The following CNOT1 variants were observed in gnomAD, a reference collection of about 807,000 sequenced individuals.
The protein encoded by CNOT1 is CCR4-associated factor 1.
In CNOT1, 15 loss-of-function variants were observed where a neutral mutation model predicts 273.8. The ratio of observed to expected loss-of-function variants is 0.05; its 90% CI spans 0.04 to 0.08. The LOEUF is 0.08. Among genes scored for constraint, CNOT1 ranks in the 10% least tolerant of loss-of-function variants. CNOT1 has a pLI of 1.00. For synonymous variants in CNOT1, 1,022 were observed against 1,005.5 expected, an observed-to-expected ratio of 1.02 and a Z score of -0.31; for missense variants, 1,644 against 2,912.2, an observed-to-expected ratio of 0.56 and a Z score of 10.02.
chr16:58,604,620 A>AT (rs1244546243), intron 1 of CNOT1, among the ~76,000 whole-genome samples: 48 of 76,704 alleles, frequency 6.3e-4, no homozygotes, highest in Admixed American at 2.4e-3. Context: ...CATCTCTGCT[A>AT]TAAAAAAAAA....
intron 2 of CNOT1, chr16:58,599,015 C>T (rs763124292): frequency 8.8e-5 from 33 of 376,420 alleles, no homozygotes; most frequent in Non-Finnish European, 1.5e-4. Context: ...CATGCCACTG[C>T]ACTCCAGCCT....
intron 16 of CNOT1, among the ~76,000 whole-genome samples, chr16:58,567,544 A>G (rs1259552649): frequency 1.1e-4 from 15 of 132,210 alleles, no homozygotes; most frequent in East Asian, 5.9e-4. Context: ...GAGGCAAGAC[A>G]TCATCTCAAA....
At chr16:58,606,569 G>C (rs538476358) in intron 1 of CNOT1, among the ~76,000 whole-genome samples, 2 of 152,118 alleles carry the variant, frequency 1.3e-5, no homozygotes, top group South Asian at 4.1e-4. Context: ...TTAGGAGGCC[G>C]AGACGGGAGG....
At chr16:58,598,777 T>C (rs2042358623) in intron 2 of CNOT1, among the ~76,000 whole-genome samples, 1 of 151,930 alleles carries the variant, frequency 6.6e-6, no homozygotes, top group African/African-American at 2.4e-5. Flanking sequence ...AAAAAAAAGA[T>C]TGGGCTGGGC....
chr16:58,548,490 G>A (rs780818950), intron 25 of CNOT1: 4 of 513,404 alleles, frequency 7.8e-6, no homozygotes, highest in East Asian at 5.5e-5. Context: ...TAATAAAAAC[G>A]AAATAGAGCC....
intron 46 of CNOT1, among the ~76,000 whole-genome samples, chr16:58,524,438 C>T (rs2039515326): frequency 6.6e-6 from 1 of 151,906 alleles, no homozygotes; most frequent in South Asian, 2.1e-4. Context: ...TGACACGTTT[C>T]TCTAAAGGCT....
chr16:58,621,376 C>A (rs909382588), intron 1 of CNOT1, among the ~76,000 whole-genome samples: 1 of 152,042 alleles, frequency 6.6e-6, no homozygotes, highest in African/African-American at 2.4e-5. Context: ...CAGGGTCCAG[C>A]GATTCTCCTG....
chr16:58,601,751 A>AAAAAAAAAAAAAAAAAC (rs2042473740), intron 1 of CNOT1, among the ~76,000 whole-genome samples: 2 of 150,122 alleles, frequency 1.3e-5, no homozygotes, highest in Non-Finnish European at 3.0e-5. Context: ...AAAAAAAAAA[A>AAAAAAAAAAAAAAAAAC]AAAGCCTGTG....
chr16:58,581,541 A>G, intron 10 of CNOT1, 26 bp from the exon 11 acceptor site: 1 of 1,580,662 alleles, frequency 6.3e-7, no homozygotes, highest in Non-Finnish European at 8.6e-7. Context: ...GCAGTTTAAA[A>G]TGTAATGAAT....
intron 1 of CNOT1, among the ~76,000 whole-genome samples, chr16:58,620,851 C>A (rs1241743554): frequency 6.6e-6 from 1 of 151,638 alleles, no homozygotes; most frequent in Non-Finnish European, 1.5e-5. Flanking sequence ...GGCATTTTGG[C>A]AGAAATATAA....
In CNOT1 at chr16:58,542,441, T is replaced by C. The variant is rs1451340745; in HGVS notation, c.4562A>G (p.Lys1521Arg). 6.2e-7 allele frequency: 1 copy of C among 1,614,180 alleles called. No individual in the cohort carries two copies. The highest frequency in any genetic ancestry group is 8.5e-7 in the Non-Finnish European group (1 of 1,180,026). The change falls in exon 32 of 49, where the codon AAG (lysine) becomes AGG (arginine). Residue 1521 changes from lysine to arginine, a missense_variant. Physicochemically the swap from Lys to Arg is conservative, Grantham distance 26. Coordinates refer to ENST00000317147, the MANE Select transcript of CNOT1 (RefSeq NM_016284.5). Reference sequence around the variant, plus strand: ...CTAAACACTTACAGTTGCTAATCTCTTGTCCATCTCAGGGCCTGCTTTTTC... The same window carrying C: ...CTAAACACTTACAGTTGCTAATCTCCTGTCCATCTCAGGGCCTGCTTTTTC... ...AVEKAGPEMD[K>R]RLATEFELRK...
At chr16:58,557,160 C>T (rs752207349) in intron 18 of CNOT1, among the ~76,000 whole-genome samples, 167 bp from the exon 19 acceptor site, 1 of 152,154 alleles carries the variant, frequency 6.6e-6, no homozygotes, top group Non-Finnish European at 1.5e-5. Flanking sequence ...TTCAATTTTA[C>T]AGAGCCTATA....
At chr16:58,569,661 A>G (rs550805531) in intron 16 of CNOT1, among the ~76,000 whole-genome samples, 32 of 151,140 alleles carry the variant, frequency 2.1e-4, no homozygotes, top group African/African-American at 7.8e-4. Flanking sequence ...AAAATAGTTC[A>G]TTTGAAGATA....
At chr16:58,574,288 C>G (rs532283332) in intron 16 of CNOT1, among the ~76,000 whole-genome samples, 2 of 151,710 alleles carry the variant, frequency 1.3e-5, no homozygotes, top group South Asian at 4.2e-4. Flanking sequence ...AAGAGAGAGA[C>G]CACAAACTAA....
rs768655948 is a variant in CNOT1 at position 58,574,785 on chromosome 16, T to A, written c.1828-25A>T. 11 of 1,583,860 alleles carry A rather than the reference T, an allele frequency of 6.9e-6. No individual in the cohort carries two copies. In the South Asian group the frequency reaches 1.2e-4, roughly 17 times the overall value. Reference sequence around the variant, plus strand: ...CCTGAAGAATAGAAAAGTCTCTCAGTGTATTTAAAATTGATCTTAAATGTT... The same window carrying A: ...CCTGAAGAATAGAAAAGTCTCTCAGAGTATTTAAAATTGATCTTAAATGTT... On this transcript the variant is annotated intron_variant, in intron 15 of 48. Transcript: ENST00000317147.
intron 25 of CNOT1, chr16:58,548,777 G>C (rs896049764): frequency 8.1e-6 from 3 of 369,966 alleles, no homozygotes; most frequent in Non-Finnish European, 1.6e-5. Context: ...CAGCTCAGTA[G>C]AATTTGACCT....
At chr16:58,528,417 C>G in intron 44 of CNOT1, 58 bp downstream of exon 44, 1 of 1,237,436 alleles carries the variant, frequency 8.1e-7, no homozygotes, top group South Asian at 1.2e-5. Flanking sequence ...GTCTACTTAT[C>G]AGAGAAAGGA....
intron 1 of CNOT1, among the ~76,000 whole-genome samples, chr16:58,621,617 C>T (rs1177936847): frequency 2.0e-5 from 3 of 150,404 alleles, no homozygotes; most frequent in Non-Finnish European, 3.0e-5. Context: ...TGTCCAAATC[C>T]ACAGAATATA....
chr16:58,597,894 T>G (rs1196219562), intron 2 of CNOT1: 1 of 273,604 alleles, frequency 3.7e-6, no homozygotes, highest in Non-Finnish European at 7.1e-6. Context: ...GCAGCTGCAC[T>G]GCTGGCTTCC....
Sources: allele counts gnomAD v4.1 joint callset (sites outside exome capture counted in the v4.1 genomes callset), GRCh38; gene constraint gnomAD v4.1.1; transcripts MANE v1.5; gene names NCBI Gene and HGNC (gene_info 2026-07-23, HGNC 2026-07-21).